KAZN: variants seen among roughly 807,000 people sequenced by gnomAD.
KAZN encodes the protein kazrin, periplakin interacting protein.
KAZN carries 40 observed loss-of-function variants against 87.4 expected under a neutral mutation model. That is an observed-to-expected ratio of 0.46 (90% CI 0.36 to 0.60). The LOEUF is 0.60. Among genes scored for constraint, KAZN ranks in the 20% least tolerant of loss-of-function variants. The pLI is 0.00. For synonymous variants in KAZN, 466 were observed against 458.3 expected (o/e 1.02, Z -0.22); for missense variants, 898 against 1,073.9 (o/e 0.84, Z 2.29).
intron 1 of KAZN, among the ~76,000 whole-genome samples, chr1:14,172,056 A>G (rs1645966437): frequency 6.6e-6 from 1 of 152,222 alleles, no homozygotes; most frequent in Non-Finnish European, 1.5e-5. Flanking sequence ...AGCCCTTCGT[A>G]TAAATAAGCC....
intron 2 of KAZN, among the ~76,000 whole-genome samples, chr1:14,194,640 A>G (rs1387410439): frequency 6.6e-6 from 1 of 152,144 alleles, no homozygotes; most frequent in Non-Finnish European, 1.5e-5. Context: ...GTTTTTCATG[A>G]AGGCTTCACT....
chr1:14,412,042 G>T (rs558144417), intron 2 of KAZN, among the ~76,000 whole-genome samples: 1 of 152,250 alleles, frequency 6.6e-6, no homozygotes, highest in South Asian at 2.1e-4. Context: ...ACTGGAGTGT[G>T]CCTAATTGTA....
intron 2 of KAZN, among the ~76,000 whole-genome samples, chr1:14,187,211 C>T (rs1570967380): frequency 6.6e-6 from 1 of 151,930 alleles, no homozygotes; most frequent in Non-Finnish European, 1.5e-5. Flanking sequence ...GTATTTGCTT[C>T]CTGAGGGGTT....
At chr1:15,049,255 A>C (rs2100414357) in intron 4 of KAZN, among the ~76,000 whole-genome samples, 1 of 152,294 alleles carries the variant, frequency 6.6e-6, no homozygotes, top group Middle Eastern at 3.4e-3. Flanking sequence ...GGCATCCCCC[A>C]CACACTGGTC....
At chr1:14,416,668 C>T (rs1303464299) in intron 2 of KAZN, among the ~76,000 whole-genome samples, 1 of 151,998 alleles carries the variant, frequency 6.6e-6, no homozygotes, top group East Asian at 1.9e-4. Context: ...ACCCAGGAGA[C>T]AGAGGTTGCA....
intron 1 of KAZN, among the ~76,000 whole-genome samples, chr1:13,963,759 CTGTGTGTG>C (rs70987708): frequency 0.032 from 4,590 of 141,882 alleles, 132 homozygotes; most frequent in African/African-American, 0.073. Context: ...CTGCTGTGGT[CTGTGTGTG>C]TGTGTGTGTG....
intron 1 of KAZN, among the ~76,000 whole-genome samples, chr1:14,084,068 T>C (rs1329900178): frequency 1.3e-5 from 2 of 152,102 alleles, no homozygotes; most frequent in Non-Finnish European, 2.9e-5. Context: ...AAGGCACTAA[T>C]GGAAACACAG....
At chr1:14,942,433 A>G (rs1245638931) in intron 1 of KAZN, among the ~76,000 whole-genome samples, 1 of 152,218 alleles carries the variant, frequency 6.6e-6, no homozygotes, top group African/African-American at 2.4e-5. Flanking sequence ...TAAAACATGT[A>G]GATGAAAGAA....
chr1:14,008,588 C>A (rs1161109619), intron 1 of KAZN, among the ~76,000 whole-genome samples: 1 of 152,082 alleles, frequency 6.6e-6, no homozygotes, highest in Non-Finnish European at 1.5e-5. Flanking sequence ...GCATAAAGTT[C>A]AGTGGGATGG....
chr1:14,714,129 C>A (rs1285806824), intron 1 of KAZN, among the ~76,000 whole-genome samples: 1 of 152,104 alleles, frequency 6.6e-6, no homozygotes, highest in African/African-American at 2.4e-5. Flanking sequence ...ATGGAGACTG[C>A]CTGTGGTTTG....
intron 1 of KAZN, among the ~76,000 whole-genome samples, chr1:14,882,766 T>C (rs1653478958): frequency 6.6e-6 from 1 of 152,078 alleles, no homozygotes; most frequent in Non-Finnish European, 1.5e-5. Flanking sequence ...TTATGGAGCA[T>C]CTAGAAACTT....
intron 1 of KAZN, among the ~76,000 whole-genome samples, chr1:14,683,375 A>T (rs1640781828): frequency 6.6e-6 from 1 of 152,186 alleles, no homozygotes; most frequent in Non-Finnish European, 1.5e-5. Context: ...TGCAGAGATG[A>T]AGTGCAAAGA....
chr1:14,061,275 T>TG (rs1464953446), intron 1 of KAZN, among the ~76,000 whole-genome samples: 2 of 151,450 alleles, frequency 1.3e-5, no homozygotes, highest in South Asian at 2.1e-4. Context: ...GGAGGAGTAA[T>TG]GGGGAGGGAG....
intron 1 of KAZN, among the ~76,000 whole-genome samples, chr1:13,904,871 C>T (rs1317684325): frequency 6.6e-6 from 1 of 152,186 alleles, no homozygotes; most frequent in Non-Finnish European, 1.5e-5. Flanking sequence ...TTCTATCCCT[C>T]CTTTAGAAAT....
At chr1:13,943,936 T>A (rs960894121) in intron 1 of KAZN, among the ~76,000 whole-genome samples, 3 of 152,232 alleles carry the variant, frequency 2.0e-5, no homozygotes, top group Admixed American at 2.0e-4. Context: ...CTGGTCAGAA[T>A]GTAAAATGGT....
chr1:14,535,727 A>G (rs887696723), intron 2 of KAZN, among the ~76,000 whole-genome samples: 5 of 152,290 alleles, frequency 3.3e-5, no homozygotes, highest in African/African-American at 1.2e-4. Flanking sequence ...TGCAGCTTGC[A>G]TGCCACGGAA....
chr1:14,375,476 G>C (rs1416811407), intron 2 of KAZN, among the ~76,000 whole-genome samples: 1 of 152,158 alleles, frequency 6.6e-6, no homozygotes, highest in Admixed American at 6.5e-5. Context: ...GGGATCACGT[G>C]TTTCCCACAG....
At chr1:14,615,873 T>G (rs1678198546) in intron 1 of KAZN, among the ~76,000 whole-genome samples, 1 of 152,238 alleles carries the variant, frequency 6.6e-6, no homozygotes, top group Non-Finnish European at 1.5e-5. Context: ...TTCTGACTAT[T>G]CATAATATCA....
chr1:14,991,955 C>T (rs1426843758), intron 2 of KAZN, among the ~76,000 whole-genome samples: 1 of 152,204 alleles, frequency 6.6e-6, no homozygotes, highest in Non-Finnish European at 1.5e-5. Flanking sequence ...GGTGCTTTCT[C>T]TGATGGACTG....
Sources: gnomAD v4.1 joint callset for allele counts (sites outside exome capture counted in the v4.1 genomes callset) on GRCh38, gnomAD v4.1.1 for gene constraint, MANE v1.5 for transcripts, NCBI Gene and HGNC (gene_info 2026-07-23, HGNC 2026-07-21) for gene names.